The following PCDHGB5 variants were observed in gnomAD, a reference collection of about 807,000 sequenced individuals.
The protein encoded by PCDHGB5 is protocadherin gamma-B5.
A neutral mutation model predicts 62.9 loss-of-function variants in PCDHGB5; 48 were observed. The ratio of observed to expected loss-of-function variants is 0.76; its 90% CI spans 0.61 to 0.97. The LOEUF (loss-of-function observed/expected upper bound fraction) is 0.97. PCDHGB5 is among the 50% of genes least tolerant of loss of function. The pLI is 0.00. For missense variants in PCDHGB5, 1,118 were observed against 1,198.6 expected (o/e 0.93, Z 0.99); for synonymous variants, 474 against 511.2 (o/e 0.93, Z 0.98).
intron 1 of PCDHGB5, among the ~76,000 whole-genome samples, chr5:141,458,063 G>A (rs1011861177): frequency 1.3e-5 from 2 of 152,190 alleles, no homozygotes; most frequent in African/African-American, 4.8e-5. Context: ...CTGCACTGAT[G>A]CGAACAACTA....
intron 1 of PCDHGB5, among the ~76,000 whole-genome samples, chr5:141,480,240 C>CAAA (rs11374694): frequency 1.8e-5 from 2 of 114,046 alleles, no homozygotes; most frequent in Non-Finnish European, 3.8e-5. Context: ...CCTGTCTCTA[C>CAAA]AAAAAAAAAA....
chr5:141,497,960 C>T (rs946836523), intron 2 of PCDHGB5, among the ~76,000 whole-genome samples: 24 of 152,202 alleles, frequency 1.6e-4, no homozygotes, highest in African/African-American at 5.8e-4. Flanking sequence ...GTTGGCCAGG[C>T]AGTGTTCTCG....
chr5:141,496,533 G>A (rs2099769399), intron 2 of PCDHGB5, among the ~76,000 whole-genome samples: 2 of 152,176 alleles, frequency 1.3e-5, no homozygotes, highest in Admixed American at 1.3e-4. Context: ...GTGTATGGCA[G>A]AGATTCCAGC....
chr5:141,435,890 A>G (rs2097784923), intron 1 of PCDHGB5, among the ~76,000 whole-genome samples: 1 of 152,176 alleles, frequency 6.6e-6, no homozygotes, highest in Non-Finnish European at 1.5e-5. Context: ...AACCCCTTAG[A>G]GAATGAAAGA....
intron 1 of PCDHGB5, among the ~76,000 whole-genome samples, chr5:141,433,559 G>A (rs2154555800): frequency 6.6e-6 from 1 of 152,212 alleles, no homozygotes; most frequent in Non-Finnish European, 1.5e-5. Context: ...TTTCTGGCTG[G>A]GCGCGGTGGC....
chr5:141,432,025 G>T lies in PCDHGB5; in HGVS notation c.2397+31501G>T. ...AGGTTCCTAGCTACAACATCACAGT[G>T]ACCGCCACTGACCGGGGAACCCCGC... On this transcript the variant is annotated intron_variant, in intron 1 of 3. Coordinates refer to ENST00000617380, the MANE Select transcript of PCDHGB5 (RefSeq NM_018925.3). The surrounding 1 kb of genome is among the most constrained non-coding windows in gnomAD (Gnocchi z 6.0). The T allele has an allele frequency of 6.2e-7, 1 of 1,614,158 alleles. No homozygotes were observed. The highest frequency in any genetic ancestry group is 1.1e-5 in the South Asian group (1 of 91,058).
Position 141,409,297 on chromosome 5 carries a change from T to TGTGAATG in PCDHGB5, c.2397+8775_2397+8776insGAATGGT, listed in dbSNP as rs774936669. On this transcript the variant is annotated intron_variant, in intron 1 of 3. Transcript: ENST00000617380. ...TGGAGAATTCACCTCCAGGAATGGT[T>TGTGAATG]GTTGCCCTCTTCAAAACACGGGATC... The TGTGAATG allele has an allele frequency of 1.3e-5, 21 of 1,613,888 alleles. No homozygotes were observed. In the African/African-American group the frequency reaches 2.7e-4, roughly 21 times the overall value.
chr5:141,472,465 A>C (rs886879646), intron 1 of PCDHGB5, among the ~76,000 whole-genome samples: 4 of 152,032 alleles, frequency 2.6e-5, no homozygotes, highest in Non-Finnish European at 5.9e-5. Flanking sequence ...GCTTGAACCC[A>C]GAAGGCAGAG....
At chr5:141,438,362 T>C (rs1471364176) in intron 1 of PCDHGB5, among the ~76,000 whole-genome samples, 1 of 151,850 alleles carries the variant, frequency 6.6e-6, no homozygotes, top group East Asian at 1.9e-4. Flanking sequence ...TGTATTGTCA[T>C]TGAGGGCAGA....
chr5:141,410,175 C>T (rs202065305), intron 1 of PCDHGB5: 5 of 1,613,752 alleles, frequency 3.1e-6, no homozygotes, highest in Non-Finnish European at 8.5e-7. Flanking sequence ...TCTGCCACCG[C>T]CACGCTTCAT....
Position 141,476,021 on chromosome 5 carries a change from C to T in PCDHGB5, c.2398-18786C>T. The T allele has an allele frequency of 7.1e-7, 1 of 1,400,498 alleles. No individual in the cohort carries two copies. The highest frequency in any genetic ancestry group is 1.4e-5 in the South Asian group (1 of 71,458). 86.8% of individuals were successfully genotyped at this position (1,400,498 alleles called of 1,614,324 possible). A position where few individuals can be genotyped will look rare whatever the true frequency, so the allele number is the denominator to read the frequency against. ...GGCATCCAGAAAGCCATGTCGGACT[C>T]GGCGCCCAGCGCCCAAGCGCTAACC... On this transcript the variant is annotated intron_variant, in intron 1 of 3. Coordinates refer to ENST00000617380, the MANE Select transcript of PCDHGB5 (RefSeq NM_018925.3). This position sits in a 1 kb window ranked among gnomAD's most constrained non-coding sequence, Gnocchi z 7.6.
In PCDHGB5 at chr5:141,476,291, G is replaced by T. The variant is rs1385060012; in HGVS notation, c.2398-18516G>T. The stretch of plus-strand genomic sequence containing the variant: ...GGTCGCGAACCTTGGTTTGGATCTC[G>T]GTAGCCTCTCAGCCCGCAGGTTCCG... On this transcript the variant is annotated intron_variant, in intron 1 of 3. Coordinates refer to ENST00000617380, the MANE Select transcript of PCDHGB5 (RefSeq NM_018925.3). This position sits in a 1 kb window ranked among gnomAD's most constrained non-coding sequence, Gnocchi z 7.6. 4 of 1,614,128 alleles carry T rather than the reference G, an allele frequency of 2.5e-6. No homozygotes were observed. Among genetic ancestry groups the T allele is most frequent in the South Asian group, 1.1e-5 (1 of 91,072 alleles).
rs201378410 is a variant in PCDHGB5, at chr5:141,414,802, G to T, written c.2397+14278G>T. Reference sequence around the variant, plus strand: ...GCAGGTGACAGCCAGCGACAGCGGGGATCCTCCACTCAGCAGCAACGTGTC... The same window carrying T: ...GCAGGTGACAGCCAGCGACAGCGGGTATCCTCCACTCAGCAGCAACGTGTC... On this transcript the variant is annotated intron_variant, in intron 1 of 3. Coordinates refer to ENST00000617380, the MANE Select transcript of PCDHGB5 (RefSeq NM_018925.3). The T allele has an allele frequency of 4.3e-6, 7 of 1,614,226 alleles. No homozygotes were observed. The African/African-American group carries it at 8.0e-5, about 18-fold the overall frequency.
Position 141,431,615 on chromosome 5 carries a change from G to A in PCDHGB5, c.2397+31091G>A. 1.2e-6 allele frequency: 2 copies of A among 1,614,236 alleles called. No homozygotes were observed. Among genetic ancestry groups the A allele is most frequent in the Non-Finnish European group, 1.7e-6 (2 of 1,180,042 alleles). ...GAGGTATTCCTTCCGGTATGTGGACGACAAGGCGGCCCAAGTTTTCAAACT... is the reference window on the plus strand; with the variant it reads ...GAGGTATTCCTTCCGGTATGTGGACAACAAGGCGGCCCAAGTTTTCAAACT... On this transcript the variant is annotated intron_variant, in intron 1 of 3. Coordinates refer to ENST00000617380, the MANE Select transcript of PCDHGB5 (RefSeq NM_018925.3). The surrounding 1 kb of genome is among the most constrained non-coding windows in gnomAD (Gnocchi z 4.8).
intron 1 of PCDHGB5, among the ~76,000 whole-genome samples, chr5:141,456,940 G>A (rs1284610928): frequency 6.6e-6 from 1 of 152,138 alleles, no homozygotes; most frequent in Non-Finnish European, 1.5e-5. Context: ...TCCAGCCTGG[G>A]CAACAGAGCA....
intron 1 of PCDHGB5, chr5:141,417,266 T>C (rs2096102700): frequency 6.6e-6 from 1 of 152,184 alleles, no homozygotes; most frequent in Non-Finnish European, 1.5e-5. Context: ...CATAGATAAT[T>C]ACTCTTAAAA....
At chr5:141,449,215 T>C (rs2098631967) in intron 1 of PCDHGB5, among the ~76,000 whole-genome samples, 2 of 152,170 alleles carry the variant, frequency 1.3e-5, no homozygotes, top group Non-Finnish European at 2.9e-5. Context: ...ACTTTCTGTT[T>C]TGAAATGATT....
intron 1 of PCDHGB5, chr5:141,410,366 G>T: frequency 6.2e-7 from 1 of 1,613,774 alleles, no homozygotes; most frequent in Non-Finnish European, 8.5e-7. Flanking sequence ...TCTCAGCCCT[G>T]CTACTTGGGA....
chr5:141,414,066 A>G, intron 1 of PCDHGB5: 2 of 1,608,358 alleles, frequency 1.2e-6, no homozygotes, highest in African/African-American at 1.3e-5. Context: ...TGAAGTTCCA[A>G]CTAAACAAAT....
Sources: gnomAD v4.1 joint callset for allele counts (sites outside exome capture counted in the v4.1 genomes callset) on GRCh38, gnomAD v4.1.1 for gene constraint, Gnocchi (gnomAD v3.1) non-coding constraint, MANE v1.5 for transcripts, NCBI Gene and HGNC (gene_info 2026-07-23, HGNC 2026-07-21) for gene names.